The following LARGE1 variants were observed in gnomAD, a reference collection of about 807,000 sequenced individuals.
LARGE1 encodes the protein LARGE xylosyl- and glucuronyltransferase 1.
A neutral mutation model predicts 87.6 loss-of-function variants in LARGE1; 43 were observed. The ratio of observed to expected loss-of-function variants is 0.49; its 90% CI spans 0.38 to 0.63. The LOEUF is 0.63. LARGE1 is among the 30% of genes least tolerant of loss of function. The probability of loss-of-function intolerance (pLI) is 0.00; values close to 1 mark genes in which losing one functional copy is unlikely to be tolerated. For synonymous variants in LARGE1, 434 were observed against 394.6 expected (o/e 1.10, Z -1.18); for missense variants, 802 against 1,000.2 (o/e 0.80, Z 2.67).
chr22:33,114,522 A>G, the LARGE1 span, among the ~76,000 whole-genome samples: 1 of 152,166 alleles, frequency 6.6e-6, no homozygotes, highest in African/African-American at 2.4e-5. Flanking sequence ...CTTAACTTCT[A>G]TTTGCTACTT....
chr22:33,228,194 G>A (rs1376379230), intron 11 of LARGE1, among the ~76,000 whole-genome samples: 1 of 152,226 alleles, frequency 6.6e-6, no homozygotes, highest in East Asian at 1.9e-4. Flanking sequence ...AGTATTTAGA[G>A]CACTGCCTGG....
chr22:33,616,122 C>G (rs1486647563), intron 4 of LARGE1, among the ~76,000 whole-genome samples: 1 of 152,042 alleles, frequency 6.6e-6, no homozygotes, highest in African/African-American at 2.4e-5. Flanking sequence ...AAAAATTAAG[C>G]ATAAAAATAA....
chr22:33,413,281 C>A (rs1227265189), intron 7 of LARGE1, among the ~76,000 whole-genome samples: 1 of 151,994 alleles, frequency 6.6e-6, no homozygotes, highest in Non-Finnish European at 1.5e-5. Flanking sequence ...TAATTTTTAA[C>A]TTCTACTCCT....
chr22:33,802,513 G>C (rs985541392), intron 1 of LARGE1, among the ~76,000 whole-genome samples: 1 of 152,130 alleles, frequency 6.6e-6, no homozygotes, highest in Non-Finnish European at 1.5e-5. Context: ...ATTAACCTTC[G>C]GGGAACTCAC....
intron 2 of LARGE1, among the ~76,000 whole-genome samples, chr22:33,706,334 C>T (rs1291264466): frequency 1.3e-5 from 2 of 152,164 alleles, no homozygotes; most frequent in Non-Finnish European, 2.9e-5. Flanking sequence ...AGAGGGACCT[C>T]GTCAGGGCCT....
chr22:33,393,165 T>A (rs1447115396), intron 7 of LARGE1, among the ~76,000 whole-genome samples: 1 of 152,234 alleles, frequency 6.6e-6, no homozygotes, highest in Non-Finnish European at 1.5e-5. Context: ...TATGAGCTTA[T>A]AAGACAATCT....
At chr22:33,588,512 T>C (rs1418325830) in intron 5 of LARGE1, among the ~76,000 whole-genome samples, 1 of 31,098 alleles carries the variant, frequency 3.2e-5, no homozygotes, top group Non-Finnish European at 5.9e-5. Flanking sequence ...TATGTGTGCG[T>C]GTGTGTGTGT....
chr22:33,452,555 A>G (rs1015542909), intron 6 of LARGE1, among the ~76,000 whole-genome samples: 4 of 152,234 alleles, frequency 2.6e-5, no homozygotes, highest in Non-Finnish European at 5.9e-5. Context: ...CTAGTTTAGT[A>G]GCGAGTGGCA....
At chr22:33,519,532 C>T (rs928999352) in intron 6 of LARGE1, among the ~76,000 whole-genome samples, 1 of 152,132 alleles carries the variant, frequency 6.6e-6, no homozygotes, top group East Asian at 1.9e-4. Flanking sequence ...CCCGAAGACA[C>T]CCAGGTTCCC....
At chr22:33,689,926 C>T (rs1444181387) in intron 2 of LARGE1, among the ~76,000 whole-genome samples, 1 of 138,128 alleles carries the variant, frequency 7.2e-6, no homozygotes, top group East Asian at 2.1e-4. Flanking sequence ...GACTCTGTCT[C>T]AAAAAAAAAA....
chr22:33,312,327 G>C (rs549576638), intron 11 of LARGE1, among the ~76,000 whole-genome samples: 2 of 151,856 alleles, frequency 1.3e-5, no homozygotes, highest in South Asian at 4.2e-4. Flanking sequence ...TGTAGTCCCA[G>C]CTATTGGGAG....
intron 6 of LARGE1, among the ~76,000 whole-genome samples, chr22:33,497,351 C>T (rs1023097308): frequency 2.0e-5 from 3 of 152,168 alleles, no homozygotes; most frequent in African/African-American, 7.2e-5. Flanking sequence ...GCTGGGATTA[C>T]AGGTGTGAGC....
At chr22:33,730,460 C>T (rs1025228224) in intron 2 of LARGE1, among the ~76,000 whole-genome samples, 2 of 152,166 alleles carry the variant, frequency 1.3e-5, no homozygotes, top group African/African-American at 2.4e-5. Context: ...AACTCATGCA[C>T]GCTGTAAATC....
intron 6 of LARGE1, among the ~76,000 whole-genome samples, chr22:33,557,897 T>G (rs2077741215): frequency 6.6e-6 from 1 of 152,056 alleles, no homozygotes; most frequent in African/African-American, 2.4e-5. Context: ...CCGTACAGAT[T>G]AAAAAGAAAT....
In LARGE1 at chr22:33,352,426, T is replaced by A. The variant is rs551437433; in HGVS notation, c.1132-14625A>T. Among the ~76,000 whole-genome samples, 4 of 152,272 alleles carry A rather than the reference T, an allele frequency of 2.6e-5. No individual in the cohort carries two copies. The South Asian group carries it at 8.3e-4, about 32-fold the overall frequency. On this transcript the variant is annotated intron_variant, in intron 9 of 14. Transcript: ENST00000397394. The stretch of plus-strand genomic sequence containing the variant: ...GTTTACTTGAAAAGCAATATATTGA[T>A]GTTGGTTTGTCAGTTTTGATGAATG...
At chr22:33,596,079 G>A (rs2078969706) in intron 5 of LARGE1, among the ~76,000 whole-genome samples, 1 of 152,124 alleles carries the variant, frequency 6.6e-6, no homozygotes, top group South Asian at 2.1e-4. Context: ...AGAAGAAAGT[G>A]GAAGGTTATG....
the LARGE1 span, among the ~76,000 whole-genome samples, chr22:33,100,642 A>C: frequency 6.6e-6 from 1 of 152,194 alleles, no homozygotes; most frequent in Non-Finnish European, 1.5e-5. Context: ...CTTGTCAAAA[A>C]GCAGAGTTTG....
rs182247227 is a variant in LARGE1, at chr22:33,662,739, A to G, written c.107-12071T>C. On this transcript the variant is annotated intron_variant, in intron 2 of 14. Coordinates refer to ENST00000397394, the MANE Select transcript of LARGE1 (RefSeq NM_133642.5). Reference sequence around the variant, plus strand: ...CAGAATATTCTAACCCATTCCAAAAAAAAAAATGGAAGCAAGTACTTTTGT... The same window carrying G: ...CAGAATATTCTAACCCATTCCAAAAGAAAAAATGGAAGCAAGTACTTTTGT... Among the ~76,000 whole-genome samples the G allele has an allele frequency of 4.3e-3, 658 of 152,312 alleles. 4 individuals carry two copies. The highest frequency in any genetic ancestry group is 6.8e-3 in the Middle Eastern group (2 of 294).
intron 13 of LARGE1, among the ~76,000 whole-genome samples, chr22:33,277,805 T>C (rs1161256400): frequency 6.6e-6 from 1 of 152,222 alleles, no homozygotes. Flanking sequence ...TCCCATCTGC[T>C]ATCTGCACAT....
Sources: allele counts gnomAD v4.1 joint callset (sites outside exome capture counted in the v4.1 genomes callset), GRCh38; gene constraint gnomAD v4.1.1; transcripts MANE v1.5; gene names NCBI Gene and HGNC (gene_info 2026-07-23, HGNC 2026-07-21).